IFT56: variants seen among roughly 807,000 people sequenced by gnomAD.
IFT56 encodes intraflagellar transport protein 56.
At chr7:139,177,171 CAA>C in the IFT56 span, among the ~76,000 whole-genome samples, 17 of 93,950 alleles carry the variant, frequency 1.8e-4, no homozygotes, top group South Asian at 3.2e-4. Flanking sequence ...GACTCCGTCT[CAA>C]AAAAAAAAAA....
chr7:139,177,574 T>C, the IFT56 span, among the ~76,000 whole-genome samples: 1 of 151,656 alleles, frequency 6.6e-6, no homozygotes, highest in Admixed American at 6.6e-5. Flanking sequence ...TGTTTTATAT[T>C]TTATATGTAT....
the IFT56 span, among the ~76,000 whole-genome samples, chr7:139,166,257 C>T: frequency 6.6e-6 from 1 of 152,274 alleles, no homozygotes; most frequent in Admixed American, 6.5e-5. Flanking sequence ...CGTGCCCGGC[C>T]TCTCTTTTAT....
At chr7:139,177,219 A>G in the IFT56 span, among the ~76,000 whole-genome samples, 3 of 151,238 alleles carry the variant, frequency 2.0e-5, no homozygotes, top group Non-Finnish European at 2.9e-5. Context: ...TATATCATAT[A>G]TATGTATAGT....
chr7:139,189,929 A>G, the IFT56 span: 1 of 152,436 alleles, frequency 6.6e-6, no homozygotes, highest in Non-Finnish European at 1.5e-5. Flanking sequence ...ATGTGTTTCT[A>G]AGAAAGGCAG....
the IFT56 span, among the ~76,000 whole-genome samples, chr7:139,138,375 T>C: frequency 1.3e-5 from 2 of 152,222 alleles, no homozygotes; most frequent in South Asian, 2.1e-4. Context: ...GCCTAACTTA[T>C]AAATTAAACT....
At chr7:139,189,003 C>A in the IFT56 span, among the ~76,000 whole-genome samples, 1 of 152,014 alleles carries the variant, frequency 6.6e-6, no homozygotes, top group Admixed American at 6.5e-5. Context: ...TCTAGTCATG[C>A]AGAATAAGAA....
At chr7:139,189,586 C>T in the IFT56 span, 1 of 583,376 alleles carries the variant, frequency 1.7e-6, no homozygotes, top group South Asian at 2.2e-5. Context: ...CTTGCTGAGA[C>T]TTAGTCTCCT....
At chr7:139,159,211 T>G in the IFT56 span, among the ~76,000 whole-genome samples, 4 of 152,186 alleles carry the variant, frequency 2.6e-5, no homozygotes, top group Non-Finnish European at 5.9e-5. Context: ...GTAGAACTTA[T>G]TGACAAAACT....
At chr7:139,175,770 AG>A in the IFT56 span, among the ~76,000 whole-genome samples, 1 of 151,898 alleles carries the variant, frequency 6.6e-6, no homozygotes, top group Non-Finnish European at 1.5e-5. Flanking sequence ...GAGGGCAGTG[AG>A]GATGGCTCCA....
At chr7:139,171,497 T>C in the IFT56 span, among the ~76,000 whole-genome samples, 2 of 152,104 alleles carry the variant, frequency 1.3e-5, no homozygotes, top group Non-Finnish European at 2.9e-5. Context: ...CACAGACATA[T>C]AGACCAATGG....
At chr7:139,173,727 C>T in the IFT56 span, 1 of 768,940 alleles carries the variant, frequency 1.3e-6, no homozygotes, top group African/African-American at 1.7e-5. Context: ...GAAAAGGCTG[C>T]ATTGAGAGCA....
chr7:139,149,539 G>A, the IFT56 span, among the ~76,000 whole-genome samples: 106 of 152,010 alleles, frequency 7.0e-4, no homozygotes, highest in African/African-American at 2.4e-3. Context: ...TGTTCCACAT[G>A]CCATGCTCTC....
chr7:139,157,139 CTTTTTTTT>C, the IFT56 span, among the ~76,000 whole-genome samples: 37 of 82,142 alleles, frequency 4.5e-4, no homozygotes, highest in East Asian at 3.4e-3. Flanking sequence ...TCTTTAATTT[CTTTTTTTT>C]TTTTTTTTTT....
chr7:139,173,200 G>T, the IFT56 span: 2 of 524,816 alleles, frequency 3.8e-6, no homozygotes, highest in Non-Finnish European at 6.9e-6. Context: ...TTCCTTAATT[G>T]GAAAAAAAAC....
At chr7:139,176,170 T>C in the IFT56 span, among the ~76,000 whole-genome samples, 2,004 of 152,134 alleles carry the variant, frequency 0.013, 35 homozygotes, top group East Asian at 0.073. Context: ...AAGAATATAA[T>C]TTATTATATA....
the IFT56 span, among the ~76,000 whole-genome samples, chr7:139,183,531 A>G: frequency 2.6e-5 from 4 of 152,218 alleles, no homozygotes; most frequent in African/African-American, 7.2e-5. Context: ...AAGCCCTAAC[A>G]TGTCAATAAT....
chr7:139,136,448 C>T, the IFT56 span, among the ~76,000 whole-genome samples: 1 of 151,914 alleles, frequency 6.6e-6, no homozygotes, highest in Admixed American at 6.6e-5. Flanking sequence ...ACCAGGTTGC[C>T]TTTATTTTAT....
At chr7:139,146,901 AT>A in the IFT56 span, 4 of 1,035,690 alleles carry the variant, frequency 3.9e-6, no homozygotes, top group South Asian at 5.9e-5. Context: ...GAAGGGTCAA[AT>A]AGTATTAACT....
At chr7:139,135,277 C>CAAAAA in the IFT56 span, among the ~76,000 whole-genome samples, 315 of 59,506 alleles carry the variant, frequency 5.3e-3, no homozygotes, top group Non-Finnish European at 9.3e-3. Context: ...GACTCCGTCT[C>CAAAAA]AAAAAAAAAA....
Sources: gnomAD v4.1 joint callset for allele counts (sites outside exome capture counted in the v4.1 genomes callset) on GRCh38, gnomAD v4.1.1 for gene constraint, MANE v1.5 for transcripts, NCBI Gene and HGNC (gene_info 2026-07-23, HGNC 2026-07-21) for gene names.